PDSS2: variants seen among roughly 807,000 people sequenced by gnomAD.
The protein encoded by PDSS2 is all trans-polyprenyl-diphosphate synthase PDSS2.
In PDSS2, 31 loss-of-function variants were observed where a neutral mutation model predicts 44.5. The ratio of observed to expected loss-of-function variants is 0.70; its 90% CI spans 0.52 to 0.94. The LOEUF is 0.94. PDSS2 is among the 40% of genes least tolerant of loss of function. The pLI is 0.00. For missense variants in PDSS2, 452 were observed against 482.2 expected (o/e 0.94, Z 0.59); for synonymous variants, 157 against 180.3 (o/e 0.87, Z 1.03).
chr6:107,308,270 G>A (rs183533858), intron 2 of PDSS2, among the ~76,000 whole-genome samples: 1 of 152,090 alleles, frequency 6.6e-6, no homozygotes, highest in East Asian at 1.9e-4. Flanking sequence ...ACTTAAAAGA[G>A]AACAGGTAAA....
At chr6:107,386,096 A>C (rs1779602716) in intron 1 of PDSS2, among the ~76,000 whole-genome samples, 1 of 152,162 alleles carries the variant, frequency 6.6e-6, no homozygotes, top group African/African-American at 2.4e-5. Flanking sequence ...TCTTTGAGAA[A>C]GGAAGCTACA....
chr6:107,302,391 A>G (rs1396364632), intron 2 of PDSS2, among the ~76,000 whole-genome samples: 1 of 151,810 alleles, frequency 6.6e-6, no homozygotes, highest in Non-Finnish European at 1.5e-5. Context: ...CTCCCACCTC[A>G]GCCTCCTGAA....
chr6:107,206,965 T>C (rs73525706), intron 6 of PDSS2, among the ~76,000 whole-genome samples: 3,490 of 152,054 alleles, frequency 0.023, 111 homozygotes, highest in African/African-American at 0.071. Context: ...GCAGGTAGTA[T>C]GGGTAATTCA....
intron 2 of PDSS2, among the ~76,000 whole-genome samples, chr6:107,297,355 G>A (rs1177891632): frequency 1.3e-5 from 2 of 151,682 alleles, no homozygotes; most frequent in Non-Finnish European, 2.9e-5. Flanking sequence ...TGGAAAACAT[G>A]TAAACAGTAT....
intron 6 of PDSS2, among the ~76,000 whole-genome samples, chr6:107,199,008 A>G (rs1238736175): frequency 6.6e-6 from 1 of 152,160 alleles, no homozygotes; most frequent in African/African-American, 2.4e-5. Context: ...AAAATAAATA[A>G]ATAAAAATAT....
chr6:107,195,084 CG>C (rs1388225242), intron 6 of PDSS2, among the ~76,000 whole-genome samples: 1 of 152,106 alleles, frequency 6.6e-6, no homozygotes, highest in Non-Finnish European at 1.5e-5. Flanking sequence ...AACTTACAAA[CG>C]GGTTAGGTCT....
chr6:107,315,565 C>T (rs986456705), intron 2 of PDSS2, among the ~76,000 whole-genome samples: 1 of 151,870 alleles, frequency 6.6e-6, no homozygotes, highest in African/African-American at 2.4e-5. Flanking sequence ...CATGTCAGAC[C>T]CTGTGATAAG....
chr6:107,391,918 A>G (rs1365234914), intron 1 of PDSS2, among the ~76,000 whole-genome samples: 3 of 151,880 alleles, frequency 2.0e-5, no homozygotes, highest in Non-Finnish European at 4.4e-5. Flanking sequence ...AAATCACCCT[A>G]CAACCTCCTA....
chr6:107,192,416 G>C (rs748876954), intron 7 of PDSS2: 82 of 493,280 alleles, frequency 1.7e-4, no homozygotes, highest in Non-Finnish European at 2.5e-4. Context: ...TCAAAGAAGA[G>C]GCAGTGAAGG....
chr6:107,162,468 G>C (rs1204357826), intron 7 of PDSS2, among the ~76,000 whole-genome samples: 1 of 133,902 alleles, frequency 7.5e-6, no homozygotes, highest in Non-Finnish European at 1.6e-5. Context: ...ACTTCAGCCT[G>C]GGTGACAGAG....
chr6:107,332,152 T>A (rs947495670), intron 2 of PDSS2, among the ~76,000 whole-genome samples: 3 of 151,804 alleles, frequency 2.0e-5, no homozygotes, highest in Admixed American at 6.6e-5. Context: ...TTGCCCAGGT[T>A]GGAATGCAAT....
rs765013424 is a variant in PDSS2, at chr6:107,402,533, T to TTATATATA, written c.296+56449_296+56456dup. Among the ~76,000 whole-genome samples, 163 of 63,818 alleles carry TTATATATA rather than the reference T, an allele frequency of 2.6e-3. 1 individual carries two copies. The highest frequency in any genetic ancestry group is 7.2e-3 in the African/African-American group (153 of 21,192). The allele number at this position is 63,818 out of a possible 152,430, so 41.9% of individuals were successfully genotyped here. A position where few individuals can be genotyped will look rare whatever the true frequency, so the allele number is the denominator to read the frequency against. On this transcript the variant is annotated intron_variant, in intron 1 of 7. Coordinates refer to ENST00000369037, the MANE Select transcript of PDSS2 (RefSeq NM_020381.4). ...ATACACACACATATATACATACATT[T>TTATATATA]TATATATATATATATATATAAAAAT... is the stretch of plus-strand genomic sequence containing the variant.
chr6:107,208,628 G>C (rs1415645079), intron 6 of PDSS2, among the ~76,000 whole-genome samples: 1 of 146,958 alleles, frequency 6.8e-6, no homozygotes, highest in East Asian at 2.0e-4. Flanking sequence ...TTTTTTTTGG[G>C]GACGGAGTTT....
intron 2 of PDSS2, among the ~76,000 whole-genome samples, chr6:107,277,382 G>C (rs1775818783): frequency 6.6e-6 from 1 of 152,220 alleles, no homozygotes; most frequent in South Asian, 2.1e-4. Flanking sequence ...CTACAGTAAA[G>C]GGACTGTGTG....
chr6:107,249,704 A>C (rs1200797872), intron 3 of PDSS2, among the ~76,000 whole-genome samples: 1 of 152,164 alleles, frequency 6.6e-6, no homozygotes, highest in Non-Finnish European at 1.5e-5. Flanking sequence ...AACCACTCCT[A>C]ATGTAAGTGT....
chr6:107,458,625 G>A (rs1442241681), intron 1 of PDSS2, among the ~76,000 whole-genome samples: 2 of 151,018 alleles, frequency 1.3e-5, no homozygotes, highest in East Asian at 1.9e-4. Flanking sequence ...GAACAGTGCG[G>A]GACAGAAAAT....
intron 2 of PDSS2, among the ~76,000 whole-genome samples, chr6:107,294,212 G>T (rs894940478): frequency 3.1e-4 from 47 of 152,230 alleles, no homozygotes; most frequent in African/African-American, 1.1e-3. Flanking sequence ...GAATAAAGGG[G>T]CAAAGATCTG....
intron 1 of PDSS2, among the ~76,000 whole-genome samples, chr6:107,365,883 C>T (rs1043209413): frequency 2.0e-5 from 3 of 151,870 alleles, no homozygotes; most frequent in Non-Finnish European, 4.4e-5. Context: ...ACAATAGAGA[C>T]CCCAAATGAA....
At chr6:107,448,819 C>G (rs1279575682) in intron 1 of PDSS2, among the ~76,000 whole-genome samples, 1 of 152,212 alleles carries the variant, frequency 6.6e-6, no homozygotes, top group Admixed American at 6.5e-5. Flanking sequence ...CAGAGTTTCA[C>G]ATCTTGGCAG....
Sources: allele counts gnomAD v4.1 joint callset (sites outside exome capture counted in the v4.1 genomes callset), GRCh38; gene constraint gnomAD v4.1.1; transcripts MANE v1.5; gene names NCBI Gene and HGNC (gene_info 2026-07-23, HGNC 2026-07-21).